The following MAPK10 variants were observed in gnomAD, a reference collection of about 807,000 sequenced individuals.
The protein encoded by MAPK10 is mitogen-activated protein kinase 10.
Under a neutral mutation model 59.3 loss-of-function variants are expected in MAPK10, and 25 were observed. That is an observed-to-expected ratio of 0.42 (90% CI 0.31 to 0.59). MAPK10 has a LOEUF of 0.59. Among genes scored for constraint, MAPK10 ranks in the 20% least tolerant of loss-of-function variants. The pLI, the probability that MAPK10 is intolerant of heterozygous loss-of-function variation, is 0.15. For missense variants in MAPK10, 351 were observed against 568.9 expected (o/e 0.62, Z 3.90); for synonymous variants, 190 against 200.5 (o/e 0.95, Z 0.44).
Position 86,437,363 on chromosome 4 carries a change from AT to A in MAPK10, c.-122+15666del, listed in dbSNP as rs1032790780. Among the ~76,000 whole-genome samples the A allele has an allele frequency of 1.8e-4, 27 of 151,638 alleles. 1 individual carries two copies. ...GTTTATCAAATGCTTTTTTTCTTCTATTTAGATAACTAAATGATTTTTCTCT... is the reference window on the plus strand; with the variant it reads ...GTTTATCAAATGCTTTTTTTCTTCTATTAGATAACTAAATGATTTTTCTCT... On this transcript the variant is annotated intron_variant, in intron 1 of 13. Coordinates refer to the MAPK10 transcript ENST00000361569.
chr4:86,277,105 C>A (rs566666199), intron 2 of MAPK10: 15 of 152,114 alleles, frequency 9.9e-5, no homozygotes, highest in African/African-American at 3.4e-4. Context: ...GGATCCTGCT[C>A]ATACCAGCTC....
At chr4:86,398,628 T>C (rs1377905203) in intron 1 of MAPK10, among the ~76,000 whole-genome samples, 1 of 152,208 alleles carries the variant, frequency 6.6e-6, no homozygotes, top group African/African-American at 2.4e-5. Context: ...TATTTTAGAT[T>C]CAGGTGGTAC....
Position 86,413,449 on chromosome 4 carries a change from G to C in MAPK10, c.-122+39581C>G, listed in dbSNP as rs541637437. The stretch of plus-strand genomic sequence containing the variant: ...ACCATTGCTCTCTTCAGAGCTGTCA[G>C]ACAGGGACATTTAAGTCTGCAGAAA... On this transcript the variant is annotated intron_variant, in intron 1 of 13. Transcript: ENST00000361569. Among the ~76,000 whole-genome samples, 4 of 152,294 alleles carry C rather than the reference G, an allele frequency of 2.6e-5. No individual in the cohort carries two copies. In the East Asian group the frequency reaches 7.8e-4, roughly 30 times the overall value.
At chr4:86,523,752 T>C (rs1320696439) in intron 1 of MAPK10, among the ~76,000 whole-genome samples, 2 of 142,164 alleles carry the variant, frequency 1.4e-5, no homozygotes, top group Non-Finnish European at 3.2e-5. Context: ...CATATGTCTG[T>C]ATTTACCAAA....
intron 13 of MAPK10, chr4:86,025,308 C>T: frequency 2.6e-6 from 1 of 388,400 alleles, no homozygotes; most frequent in Non-Finnish European, 4.5e-6. Context: ...TGTATGACTC[C>T]CTCTATTGCG....
intron 9 of MAPK10, 144 bp from the exon 10 acceptor site, chr4:86,068,099 A>G: frequency 3.9e-6 from 2 of 517,364 alleles, no homozygotes; most frequent in Non-Finnish European, 6.7e-6. Flanking sequence ...ATATAAAATC[A>G]GACTTGCAGG....
intron 9 of MAPK10, among the ~76,000 whole-genome samples, chr4:86,070,630 G>C (rs1365708039): frequency 6.8e-6 from 1 of 146,936 alleles, no homozygotes; most frequent in Non-Finnish European, 1.5e-5. Flanking sequence ...CTATGAGTGA[G>C]AATATGCGGT....
intron 1 of MAPK10, among the ~76,000 whole-genome samples, chr4:86,366,361 A>T (rs1194357237): frequency 6.6e-6 from 1 of 152,206 alleles, no homozygotes; most frequent in South Asian, 2.1e-4. Flanking sequence ...AAAACTCCTC[A>T]AAGTGTAATT....
At chr4:86,301,162 T>C (rs904337830) in intron 2 of MAPK10, among the ~76,000 whole-genome samples, 1 of 152,082 alleles carries the variant, frequency 6.6e-6, no homozygotes, top group Admixed American at 6.6e-5. Context: ...CTCCAGATAT[T>C]GCCAAATGCC....
intron 3 of MAPK10, among the ~76,000 whole-genome samples, chr4:86,177,234 G>A (rs1009710091): frequency 6.6e-6 from 1 of 151,928 alleles, no homozygotes; most frequent in Non-Finnish European, 1.5e-5. Flanking sequence ...TGAGTTTTTG[G>A]GGGGTTCAGG....
chr4:86,308,390 GC>G (rs2095608743), intron 2 of MAPK10, among the ~76,000 whole-genome samples: 1 of 152,116 alleles, frequency 6.6e-6, no homozygotes, highest in African/African-American at 2.4e-5. Flanking sequence ...TTCTGCTATA[GC>G]TTAAAATGAG....
At chr4:86,470,623 C>T (rs1000043614) in intron 1 of MAPK10, among the ~76,000 whole-genome samples, 2 of 152,050 alleles carry the variant, frequency 1.3e-5, no homozygotes, top group Non-Finnish European at 2.9e-5. Context: ...TTCATCTCCC[C>T]TATTTTTTCT....
intron 1 of MAPK10, among the ~76,000 whole-genome samples, chr4:86,409,238 T>A (rs1238282425): frequency 6.6e-6 from 1 of 152,198 alleles, no homozygotes; most frequent in Non-Finnish European, 1.5e-5. Flanking sequence ...TTCTGAGGCC[T>A]GTTCTGTTCC....
intron 9 of MAPK10, among the ~76,000 whole-genome samples, chr4:86,091,893 T>C (rs903025419): frequency 3.3e-5 from 5 of 151,936 alleles, no homozygotes; most frequent in African/African-American, 4.8e-5. Flanking sequence ...AGGATGGTCT[T>C]GATCTCCTGA....
intron 2 of MAPK10, among the ~76,000 whole-genome samples, chr4:86,315,950 G>A (rs1450482084): frequency 6.6e-6 from 1 of 152,112 alleles, no homozygotes; most frequent in Non-Finnish European, 1.5e-5. Context: ...GCAGTAAAAA[G>A]TTGTATACTT....
At position 86,435,222 on chromosome 4, in the gene MAPK10, C is replaced by A. The variant is rs186049903; in HGVS notation, c.-122+17808G>T. Reference sequence around the variant, plus strand: ...TAAAAATGGCAAAGATGAGGCCAGGCGCAGTGGCTCATACCTGTAATCCCA... The same window carrying A: ...TAAAAATGGCAAAGATGAGGCCAGGAGCAGTGGCTCATACCTGTAATCCCA... On this transcript the variant is annotated intron_variant, in intron 1 of 13. Coordinates refer to the MAPK10 transcript ENST00000361569. Among the ~76,000 whole-genome samples the A allele has an allele frequency of 3.5e-3, 529 of 152,182 alleles. 3 individuals carry two copies. Among genetic ancestry groups the A allele is most frequent in the African/African-American group, 0.012 (498 of 41,530 alleles).
intron 1 of MAPK10, among the ~76,000 whole-genome samples, chr4:86,382,743 G>A (rs1740932516): frequency 6.6e-6 from 1 of 152,150 alleles, no homozygotes; most frequent in Non-Finnish European, 1.5e-5. Context: ...TCACATTCCT[G>A]TCATGGTGAT....
At chr4:86,414,521 T>C (rs1213858688) in intron 1 of MAPK10, among the ~76,000 whole-genome samples, 1 of 152,212 alleles carries the variant, frequency 6.6e-6, no homozygotes, top group Non-Finnish European at 1.5e-5. Flanking sequence ...GTAGAAGAAG[T>C]AGACACACAG....
intron 1 of MAPK10, among the ~76,000 whole-genome samples, chr4:86,549,498 G>T (rs1759583712): frequency 6.6e-6 from 1 of 152,062 alleles, no homozygotes; most frequent in African/African-American, 2.4e-5. Context: ...GATAAGAAAG[G>T]GTATACCTAT....
Sources: gnomAD v4.1 joint callset for allele counts (sites outside exome capture counted in the v4.1 genomes callset) on GRCh38, gnomAD v4.1.1 for gene constraint, MANE v1.5 for transcripts, NCBI Gene and HGNC (gene_info 2026-07-23, HGNC 2026-07-21) for gene names.